The following COMMD2 variants were observed in gnomAD, a reference collection of about 807,000 sequenced individuals.
COMMD2 encodes COMM domain containing 2.
COMMD2 carries 25 observed loss-of-function variants against 22.5 expected under a neutral mutation model. The observed-to-expected ratio is 1.11, with a 90% confidence interval of 0.81 to 1.55. The LOEUF is 1.55. Ranked by LOEUF, COMMD2 falls within the 40% of genes most tolerant of loss-of-function variation. The pLI, the probability that COMMD2 is intolerant of heterozygous loss-of-function variation, is 0.00. For synonymous variants in COMMD2, 98 were observed against 91.2 expected (o/e 1.07, Z -0.42); for missense variants, 223 against 232.9 (o/e 0.96, Z 0.28).
chr3:149,747,541 T>C (rs1051266493), intron 4 of COMMD2, among the ~76,000 whole-genome samples: 2 of 152,058 alleles, frequency 1.3e-5, no homozygotes, highest in Admixed American at 1.3e-4. Flanking sequence ...TGACCTTGAG[T>C]AAGTTACGAG....
rs1236660706 is a variant in COMMD2 at position 149,740,449 on chromosome 3, TA to T, written c.*1071del. 1 of 152,242 alleles carries T rather than the reference TA, an allele frequency of 6.6e-6. No individual in the cohort carries two copies. The highest frequency in any genetic ancestry group is 1.5e-5 in the Non-Finnish European group (1 of 68,044). The allele number at this position is 152,242 out of a possible 1,614,324, so 9.4% of individuals were successfully genotyped here. Reference sequence around the variant, plus strand: ...TCTCTGCATCCATTATTTGTAAATGTAAATGACAGAGTGTCTCCTAGATGCT... The same window carrying T: ...TCTCTGCATCCATTATTTGTAAATGTAATGACAGAGTGTCTCCTAGATGCT... On this transcript the variant is annotated 3_prime_UTR_variant, in exon 5 of 5. Coordinates refer to ENST00000473414, the MANE Select transcript of COMMD2 (RefSeq NM_016094.4).
intron 4 of COMMD2, among the ~76,000 whole-genome samples, chr3:149,747,617 C>T (rs917818283): frequency 3.9e-5 from 6 of 152,234 alleles, no homozygotes; most frequent in South Asian, 2.1e-4. Flanking sequence ...AGAGAATATA[C>T]AAACAGAGAG....
In COMMD2 at chr3:149,739,922, A is replaced by G. The variant is rs1716165829; in HGVS notation, c.*1599T>C. 1 of 152,208 alleles carries G rather than the reference A, an allele frequency of 6.6e-6. No homozygotes were observed. The highest frequency in any genetic ancestry group is 1.5e-5 in the Non-Finnish European group (1 of 68,040). 9.4% of individuals were successfully genotyped at this position (152,208 alleles called of 1,614,324 possible). On this transcript the variant is annotated 3_prime_UTR_variant, in exon 5 of 5. Coordinates refer to ENST00000473414, the MANE Select transcript of COMMD2 (RefSeq NM_016094.4). ...CAGGGACCAATGGGTAACCATCTCA[A>G]GTATGTTTTTCTTCCACTAGCCTAT... is the stretch of plus-strand genomic sequence containing the variant.
At chr3:149,749,016 CTCTTT>C (rs1373737465) in intron 4 of COMMD2, among the ~76,000 whole-genome samples, 9 of 151,444 alleles carry the variant, frequency 5.9e-5, no homozygotes, top group Admixed American at 5.9e-4. Context: ...CTGTCTCTCT[CTCTTT>C]TTTTTTTTTT....
chr3:149,749,898 T>C (rs1716483844), intron 4 of COMMD2, among the ~76,000 whole-genome samples: 5 of 152,210 alleles, frequency 3.3e-5, no homozygotes, highest in Admixed American at 2.6e-4. Context: ...CTTTAATTAC[T>C]AGTTATTTTG....
At chr3:149,747,252 T>C (rs1249460685) in intron 4 of COMMD2, among the ~76,000 whole-genome samples, 1 of 152,178 alleles carries the variant, frequency 6.6e-6, no homozygotes, top group Admixed American at 6.5e-5. Context: ...ATCCCAAGAA[T>C]ATGGGGATTA....
chr3:149,742,771 A>G (rs1716268951), intron 4 of COMMD2, among the ~76,000 whole-genome samples: 1 of 152,110 alleles, frequency 6.6e-6, no homozygotes, highest in South Asian at 2.1e-4. Context: ...GCTTGAGACC[A>G]GCCCGGCCAA....
intron 3 of COMMD2, 180 bp downstream of exon 3, chr3:149,751,223 A>G (rs1716519740): frequency 3.5e-5 from 30 of 847,402 alleles, no homozygotes; most frequent in Non-Finnish European, 5.2e-5. Context: ...TACTAGCAAG[A>G]GGTATTCATA....
In COMMD2 at chr3:149,752,253, G is replaced by C. The variant is rs775311488; in HGVS notation, c.102C>G (p.Phe34Leu). ...TTTTTGGGTTTGCGCCGCGTCTCAG[G>C]AATTCCACAGCAATCCGCCCAAACT... is the stretch of plus-strand genomic sequence containing the variant. ...VAEFGRIAVEFLRRGANPKIY... is the reference protein window; with the variant it reads ...VAEFGRIAVELLRRGANPKIY... The change falls in exon 2 of 5, where the codon TTC becomes TTG. Residue 34 changes from phenylalanine (F) to leucine (L), a missense_variant. Physicochemically the swap from Phe to Leu is conservative, Grantham distance 22 (BLOSUM62 0). Coordinates refer to ENST00000473414, the MANE Select transcript of COMMD2 (RefSeq NM_016094.4). 2 of 1,614,108 alleles carry C rather than the reference G, an allele frequency of 1.2e-6. No homozygotes were observed. The highest frequency in any genetic ancestry group is 1.7e-6 in the Non-Finnish European group (2 of 1,180,000).
intron 4 of COMMD2, among the ~76,000 whole-genome samples, chr3:149,744,081 C>G (rs2108249408): frequency 6.6e-6 from 1 of 152,258 alleles, no homozygotes. Flanking sequence ...CAGTAGCCCA[C>G]AAAGTTCTTG....
At position 149,752,473 on chromosome 3, in the gene COMMD2, G is replaced by A. The variant is rs375475203; in HGVS notation, c.-29C>T. On this transcript the variant is annotated 5_prime_UTR_variant, in exon 1 of 5. Transcript: ENST00000473414. ...CACTGTCCTACGATTTCACCCGGCA[G>A]CGCCGACCCCGCCTTCGCCACTTCC... The A allele has an allele frequency of 1.3e-6, 2 of 1,598,258 alleles. No individual in the cohort carries two copies. Among genetic ancestry groups the A allele is most frequent in the Non-Finnish European group, 1.7e-6 (2 of 1,170,558 alleles).
At chr3:149,747,233 A>C (rs1716399085) in intron 4 of COMMD2, among the ~76,000 whole-genome samples, 1 of 152,228 alleles carries the variant, frequency 6.6e-6, no homozygotes, top group Non-Finnish European at 1.5e-5. Flanking sequence ...TAAAGATATA[A>C]ATTTGAGAAT....
chr3:149,749,963 A>G (rs1216366656), intron 4 of COMMD2, among the ~76,000 whole-genome samples: 1 of 152,230 alleles, frequency 6.6e-6, no homozygotes, highest in Non-Finnish European at 1.5e-5. Context: ...CTGAGAAAGT[A>G]TCTTACACTT....
At chr3:149,746,493 C>A (rs1357511415) in intron 4 of COMMD2, among the ~76,000 whole-genome samples, 1 of 151,948 alleles carries the variant, frequency 6.6e-6, no homozygotes. Flanking sequence ...AAGAAAAGGC[C>A]GGGTACGGTG....
chr3:149,751,337 A>G (rs770605498), intron 3 of COMMD2, 66 bp downstream of exon 3: 1 of 1,611,362 alleles, frequency 6.2e-7, no homozygotes, highest in Non-Finnish European at 8.5e-7. Context: ...CAGGACTATG[A>G]TGTAGAGTAC....
intron 4 of COMMD2, among the ~76,000 whole-genome samples, chr3:149,743,395 G>C (rs1254074329): frequency 6.6e-6 from 1 of 152,204 alleles, no homozygotes; most frequent in East Asian, 1.9e-4. Context: ...AAGCAAAAAA[G>C]TTATCAAAAA....
rs1716219484 is a variant in COMMD2 at position 149,741,416 on chromosome 3, A to G, written c.*105T>C. ...CTTGGAATAGATACTGAGGAATACT[A>G]TGTATTTATCATCATGAATTAATAA... On this transcript the variant is annotated 3_prime_UTR_variant, in exon 5 of 5. Transcript: ENST00000473414. 3.4e-6 allele frequency: 3 copies of G among 886,062 alleles called. No homozygotes were observed. The highest frequency in any genetic ancestry group is 2.0e-5 in the Admixed American group (1 of 49,782). The allele number at this position is 886,062 out of a possible 1,614,324, so 54.9% of individuals were successfully genotyped here.
intron 4 of COMMD2, among the ~76,000 whole-genome samples, chr3:149,746,740 A>G (rs1716382434): frequency 6.6e-6 from 1 of 152,144 alleles, no homozygotes; most frequent in Admixed American, 6.5e-5. Context: ...CCGAGATTGC[A>G]CCACTGCACT....
chr3:149,743,345 A>C (rs1170882192), intron 4 of COMMD2, among the ~76,000 whole-genome samples: 1 of 152,190 alleles, frequency 6.6e-6, no homozygotes, highest in African/African-American at 2.4e-5. Context: ...CTAGGAGAGA[A>C]ACTGTACAAG....
Sources: allele counts gnomAD v4.1 joint callset (sites outside exome capture counted in the v4.1 genomes callset), GRCh38; gene constraint gnomAD v4.1.1; transcripts MANE v1.5; gene names NCBI Gene and HGNC (gene_info 2026-07-23, HGNC 2026-07-21).